PHF2: variants seen among roughly 807,000 people sequenced by gnomAD.
PHF2 encodes PHD finger protein 2.
Under a neutral mutation model 120.5 loss-of-function variants are expected in PHF2, and 27 were observed. That is an observed-to-expected ratio of 0.22 (90% CI 0.17 to 0.31). The LOEUF (loss-of-function observed/expected upper bound fraction) is 0.31. Ranked by LOEUF, PHF2 falls within the 10% of genes least tolerant of loss-of-function variation. PHF2 has a pLI of 1.00. For synonymous variants in PHF2, 568 were observed against 592.5 expected, an observed-to-expected ratio of 0.96 and a Z score of 0.60; for missense variants, 1,024 against 1,434.8, an observed-to-expected ratio of 0.71 and a Z score of 4.63.
At chr9:93,639,554 G>A (rs567049990) in intron 3 of PHF2, among the ~76,000 whole-genome samples, 1 of 152,042 alleles carries the variant, frequency 6.6e-6, no homozygotes, top group South Asian at 2.1e-4. Context: ...CCATCTAGGT[G>A]ACCTGTATTT....
At chr9:93,597,699 C>G (rs1825360618) in intron 1 of PHF2, among the ~76,000 whole-genome samples, 1 of 152,132 alleles carries the variant, frequency 6.6e-6, no homozygotes, top group Admixed American at 6.5e-5. Context: ...CCCCATGAGG[C>G]TGGAACCTAC....
At chr9:93,633,898 TCTC>T (rs1284736246) in intron 2 of PHF2, among the ~76,000 whole-genome samples, 1 of 152,006 alleles carries the variant, frequency 6.6e-6, no homozygotes, top group Non-Finnish European at 1.5e-5. Flanking sequence ...TTTTCTTTGA[TCTC>T]CTCAGCCAGC....
rs766320206 is a variant in PHF2 at position 93,654,568 on chromosome 9, C to T, written c.945C>T (p.Ile315=). Residue 315 remains isoleucine (I), a synonymous_variant, in exon 7 of 22, where the codon ATC becomes ATT. Coordinates refer to ENST00000359246, the MANE Select transcript of PHF2 (RefSeq NM_005392.4). The part of the protein sequence containing the change: ...CIVKQGQTLF[I]PSGWIYATLT... The stretch of plus-strand genomic sequence containing the variant: ...TCAAGCAGGGCCAGACCCTCTTCAT[C>T]CCCTCAGGTGAGTGCGGGCAGCTTT... The T allele has an allele frequency of 7.4e-6, 12 of 1,613,462 alleles. No individual in the cohort carries two copies. The highest frequency in any genetic ancestry group is 1.3e-5 in the African/African-American group (1 of 74,942).
At chr9:93,603,145 C>T (rs373774160) in intron 1 of PHF2, among the ~76,000 whole-genome samples, 27 of 152,216 alleles carry the variant, frequency 1.8e-4, no homozygotes, top group African/African-American at 6.0e-4. Flanking sequence ...TTGTGGATTC[C>T]GTGTTGGTGC....
At chr9:93,618,864 C>CTGTGTGTGATGTGT (rs1564383331) in intron 1 of PHF2, among the ~76,000 whole-genome samples, 1 of 1,950 alleles carries the variant, frequency 5.1e-4, no homozygotes, top group Admixed American at 4.2e-3. Context: ...GTGTGGTGTT[C>CTGTGTGTGATGTGT]GTGTGTCTCT....
At chr9:93,629,191 G>A (rs1281124573) in intron 1 of PHF2, among the ~76,000 whole-genome samples, 2 of 152,108 alleles carry the variant, frequency 1.3e-5, no homozygotes, top group South Asian at 2.1e-4. Context: ...ATGAGCCACC[G>A]TGCCTGGCCT....
At chr9:93,654,335 C>G (rs1826420234) in intron 6 of PHF2, 78 bp from the exon 7 acceptor site, 1 of 1,421,210 alleles carries the variant, frequency 7.0e-7, no homozygotes, top group East Asian at 2.3e-5. Flanking sequence ...GGGTACTTTT[C>G]ACGTTAGGAC....
Position 93,614,290 on chromosome 9 carries a change from A to T in PHF2, c.99-15680A>T, listed in dbSNP as rs191116828. On this transcript the variant is annotated intron_variant, in intron 1 of 21. Transcript: ENST00000359246. ...AGGGCATTTTCCAGATTCCTGGAGC[A>T]GTGTCCCTGGGGCAGACATAGAGGG... Among the ~76,000 whole-genome samples the T allele has an allele frequency of 1.4e-4, 21 of 152,354 alleles. No individual in the cohort carries two copies. In the East Asian group the frequency reaches 4.1e-3, roughly 29 times the overall value.
intron 1 of PHF2, among the ~76,000 whole-genome samples, chr9:93,587,899 G>T (rs908470844): frequency 6.6e-6 from 1 of 152,186 alleles, no homozygotes; most frequent in African/African-American, 2.4e-5. Context: ...CCCCCTGTCT[G>T]CTGGGTAGCC....
chr9:93,660,571 C>T lies in PHF2; in HGVS notation c.1698+11C>T. 6.5e-7 allele frequency: 1 copy of T among 1,536,750 alleles called. No individual in the cohort carries two copies. ...CCCAAGAAGGGCAAGGTGGGACCCC[C>T]TCACCCTGACTCCCCACCTTATCAC... is the stretch of plus-strand genomic sequence containing the variant. On this transcript the variant is annotated intron_variant, in intron 12 of 21. Transcript: ENST00000359246.
At chr9:93,645,546 C>T in intron 3 of PHF2, 83 bp from the exon 4 acceptor site, 1 of 1,408,788 alleles carries the variant, frequency 7.1e-7, no homozygotes, top group Non-Finnish European at 9.4e-7. Flanking sequence ...GCTCACCTCT[C>T]CAGCACCGAG....
At chr9:93,624,557 A>G (rs1825876646) in intron 1 of PHF2, among the ~76,000 whole-genome samples, 1 of 151,284 alleles carries the variant, frequency 6.6e-6, no homozygotes, top group Non-Finnish European at 1.5e-5. Flanking sequence ...GATAATGATG[A>G]TAATGATGGT....
rs573313701 is a variant in PHF2, at chr9:93,666,585, G to A, written c.2188-495G>A. Among the ~76,000 whole-genome samples the A allele has an allele frequency of 9.2e-5, 14 of 152,344 alleles. No homozygotes were observed. In the South Asian group the frequency reaches 2.5e-3, roughly 27 times the overall value. ...GCCATCCAGCCCGTCGGCTCCAGGGGCCTCTGTCTGACCCCAGCAATGTTC... is the reference window on the plus strand; with the variant it reads ...GCCATCCAGCCCGTCGGCTCCAGGGACCTCTGTCTGACCCCAGCAATGTTC... On this transcript the variant is annotated intron_variant, in intron 16 of 21. Coordinates refer to ENST00000359246, the MANE Select transcript of PHF2 (RefSeq NM_005392.4).
At chr9:93,671,768 G>A (rs1370520557) in intron 17 of PHF2, among the ~76,000 whole-genome samples, 1 of 144,396 alleles carries the variant, frequency 6.9e-6, no homozygotes, top group Non-Finnish European at 1.5e-5. Flanking sequence ...AGATGTGGGT[G>A]TGGATGTAGG....
At position 93,665,876 on chromosome 9, in the gene PHF2, G is replaced by A. The variant is rs1305931798; in HGVS notation, c.2116+12G>A. 20 of 1,612,920 alleles carry A rather than the reference G, an allele frequency of 1.2e-5. No individual in the cohort carries two copies. The highest frequency in any genetic ancestry group is 1.7e-5 in the Non-Finnish European group (20 of 1,179,864). On this transcript the variant is annotated intron_variant, in intron 15 of 21. Transcript: ENST00000359246. Reference sequence around the variant, plus strand: ...AAGGGACTTGTCCTGTGAGTTGGGAGGGGGTGTTGGGGGAGGGGTGTGGGA... The same window carrying A: ...AAGGGACTTGTCCTGTGAGTTGGGAAGGGGTGTTGGGGGAGGGGTGTGGGA...
chr9:93,597,733 G>C (rs1825361716), intron 1 of PHF2, among the ~76,000 whole-genome samples: 1 of 152,192 alleles, frequency 6.6e-6, no homozygotes. Context: ...TGGCACTGCA[G>C]TCACCTTGCT....
chr9:93,577,491 C>T (rs915935332), intron 1 of PHF2, among the ~76,000 whole-genome samples: 16 of 152,078 alleles, frequency 1.1e-4, no homozygotes, highest in African/African-American at 3.6e-4. Flanking sequence ...AGGGCAGGAC[C>T]CCTCCCGGAC....
chr9:93,639,716 A>C (rs1826146561), intron 3 of PHF2, among the ~76,000 whole-genome samples: 1 of 152,208 alleles, frequency 6.6e-6, no homozygotes, highest in African/African-American at 2.4e-5. Flanking sequence ...GGATGCAAGA[A>C]GGCAGCCCCC....
chr9:93,620,051 G>A (rs1825800349), intron 1 of PHF2, among the ~76,000 whole-genome samples: 1 of 152,148 alleles, frequency 6.6e-6, no homozygotes, highest in Admixed American at 6.5e-5. Flanking sequence ...GCTCTCCCTC[G>A]GACTCTGCAG....
Sources: allele counts gnomAD v4.1 joint callset (sites outside exome capture counted in the v4.1 genomes callset), GRCh38; gene constraint gnomAD v4.1.1; transcripts MANE v1.5; gene names NCBI Gene and HGNC (gene_info 2026-07-23, HGNC 2026-07-21).